The following GRIK2 variants were observed in gnomAD, a reference collection of about 807,000 sequenced individuals.
GRIK2 encodes glutamate ionotropic receptor kainate type subunit 2, also known as glutamate receptor ionotropic, kainate 2.
Under a neutral mutation model 100.3 loss-of-function variants are expected in GRIK2, and 32 were observed. The observed-to-expected ratio is 0.32, with a 90% CI of 0.24 to 0.43. The LOEUF is 0.43. Among genes scored for constraint, GRIK2 ranks in the 20% least tolerant of loss-of-function variants. GRIK2 has a pLI of 1.00. For missense variants in GRIK2, 843 were observed against 1,114.9 expected (o/e 0.76, Z 3.47); for synonymous variants, 417 against 389.4 (o/e 1.07, Z -0.83).
rs554704964 is a variant in GRIK2, at chr6:101,495,517, A to G, written c.115+96125A>G. ...CAAGACTCCGTCTCAAAATAAGTAA[A>G]TAAATAAATAAATAAATAAGATGCA... On this transcript the variant is annotated intron_variant, in intron 2 of 16. Coordinates refer to ENST00000369134, the MANE Select transcript of GRIK2 (RefSeq NM_021956.5). Among the ~76,000 whole-genome samples, 11 of 151,958 alleles carry G rather than the reference A, an allele frequency of 7.2e-5. 1 individual carries two copies. In the South Asian group the frequency reaches 1.2e-3, roughly 17 times the overall value.
chr6:101,421,625 G>C (rs1340694069), intron 2 of GRIK2, among the ~76,000 whole-genome samples: 2 of 151,888 alleles, frequency 1.3e-5, no homozygotes, highest in Non-Finnish European at 2.9e-5. Context: ...GATCATCTTG[G>C]GTTCATATTT....
At chr6:102,051,891 C>T (rs1021184408) in intron 15 of GRIK2, among the ~76,000 whole-genome samples, 2 of 152,228 alleles carry the variant, frequency 1.3e-5, no homozygotes, top group Non-Finnish European at 2.9e-5. Flanking sequence ...TTGAAGGTGA[C>T]CTTACAGTGT....
At chr6:101,968,950 G>A (rs371316643) in intron 14 of GRIK2, among the ~76,000 whole-genome samples, 1 of 151,884 alleles carries the variant, frequency 6.6e-6, no homozygotes, top group African/African-American at 2.4e-5. Context: ...AGTTTTAATT[G>A]TAACTCAATA....
At chr6:101,744,792 G>T (rs1350150101) in intron 7 of GRIK2, 1 of 151,432 alleles carries the variant, frequency 6.6e-6, no homozygotes, top group Non-Finnish European at 1.5e-5. Flanking sequence ...TGTTGGTCAG[G>T]ATGGTCTCGA....
chr6:101,737,138 G>A (rs1775691988), intron 7 of GRIK2, among the ~76,000 whole-genome samples: 1 of 151,980 alleles, frequency 6.6e-6, no homozygotes, highest in Non-Finnish European at 1.5e-5. Context: ...TTTGGTTAAA[G>A]CCATTCAACA....
intron 12 of GRIK2, among the ~76,000 whole-genome samples, chr6:101,922,141 C>CCT (rs1554286919): frequency 2.7e-4 from 15 of 56,508 alleles, no homozygotes; most frequent in African/African-American, 7.6e-4. Context: ...CCTTCCTTCC[C>CCT]TCCCTTCCTC....
chr6:102,007,655 C>A (rs1795310021), intron 14 of GRIK2, among the ~76,000 whole-genome samples: 1 of 151,782 alleles, frequency 6.6e-6, no homozygotes, highest in Non-Finnish European at 1.5e-5. Flanking sequence ...CAGATGGAAT[C>A]AAAAATTTTC....
intron 7 of GRIK2, among the ~76,000 whole-genome samples, chr6:101,785,268 C>T (rs1779349933): frequency 6.6e-6 from 1 of 152,066 alleles, no homozygotes; most frequent in Non-Finnish European, 1.5e-5. Flanking sequence ...TATCTCTTCA[C>T]TCTGTTGGTT....
intron 7 of GRIK2, among the ~76,000 whole-genome samples, chr6:101,787,771 T>C (rs925456360): frequency 1.3e-5 from 2 of 152,316 alleles, no homozygotes; most frequent in South Asian, 4.1e-4. Flanking sequence ...AGAATGTATA[T>C]TCTGCAGTTG....
At chr6:101,473,767 T>C (rs1772077789) in intron 2 of GRIK2, among the ~76,000 whole-genome samples, 1 of 151,808 alleles carries the variant, frequency 6.6e-6, no homozygotes, top group Non-Finnish European at 1.5e-5. Flanking sequence ...ATCTGCTCTG[T>C]CATAAAGTAA....
intron 16 of GRIK2, among the ~76,000 whole-genome samples, chr6:102,064,838 GT>G (rs1308301436): frequency 6.6e-6 from 1 of 151,156 alleles, no homozygotes; most frequent in Non-Finnish European, 1.5e-5. Flanking sequence ...TAAATGAACA[GT>G]TCTTTGTGAT....
intron 14 of GRIK2, among the ~76,000 whole-genome samples, chr6:102,015,375 C>A (rs1041912730): frequency 1.3e-5 from 2 of 152,116 alleles, no homozygotes; most frequent in African/African-American, 4.8e-5. Flanking sequence ...ACCATTGGAT[C>A]TTGCTTCTTT....
chr6:101,842,003 C>T (rs1486605274), intron 10 of GRIK2, among the ~76,000 whole-genome samples: 2 of 152,012 alleles, frequency 1.3e-5, no homozygotes, highest in African/African-American at 4.8e-5. Context: ...GGTAAGTTGC[C>T]ATAACTGGAG....
intron 4 of GRIK2, among the ~76,000 whole-genome samples, chr6:101,664,739 G>A (rs754037428): frequency 8.5e-5 from 13 of 152,162 alleles, no homozygotes; most frequent in Admixed American, 5.9e-4. Context: ...CCAAGACTGG[G>A]CCATTTCTAA....
intron 12 of GRIK2, among the ~76,000 whole-genome samples, chr6:101,903,795 A>AG (rs397716744): frequency 9.3e-5 from 14 of 151,020 alleles, no homozygotes; most frequent in Non-Finnish European, 1.6e-4. Context: ...AAAAAAAAAA[A>AG]TAATAGTTGG....
intron 2 of GRIK2, among the ~76,000 whole-genome samples, chr6:101,512,365 A>G (rs1393191042): frequency 6.6e-6 from 1 of 152,050 alleles, no homozygotes; most frequent in African/African-American, 2.4e-5. Context: ...TGAATTGTAG[A>G]AGATCTGATT....
At chr6:101,606,237 T>G (rs1171234395) in intron 2 of GRIK2, among the ~76,000 whole-genome samples, 2 of 152,024 alleles carry the variant, frequency 1.3e-5, no homozygotes, top group African/African-American at 2.4e-5. Context: ...GACACTGTGA[T>G]TATCCATTTC....
intron 7 of GRIK2, 93 bp downstream of exon 7, chr6:101,686,446 C>A: frequency 3.5e-6 from 3 of 863,390 alleles, no homozygotes; most frequent in African/African-American, 1.7e-5. Context: ...ATATAAACTT[C>A]AGTTTAATTG....
chr6:101,962,866 G>C (rs1462366600), intron 14 of GRIK2, among the ~76,000 whole-genome samples: 1 of 151,458 alleles, frequency 6.6e-6, no homozygotes, highest in Non-Finnish European at 1.5e-5. Context: ...TTTCTGTATA[G>C]CCTCTCTGTC....
Sources: gnomAD v4.1 joint callset for allele counts (sites outside exome capture counted in the v4.1 genomes callset) on GRCh38, gnomAD v4.1.1 for gene constraint, MANE v1.5 for transcripts, NCBI Gene and HGNC (gene_info 2026-07-23, HGNC 2026-07-21) for gene names.